Variants in POFUT1 observed in about 807,000 individuals in gnomAD.
The protein encoded by POFUT1 is GDP-fucose protein O-fucosyltransferase 1.
POFUT1 carries 16 observed loss-of-function variants against 42.4 expected under a neutral mutation model. The observed-to-expected ratio is 0.38, with a 90% confidence interval of 0.26 to 0.57. POFUT1 has a LOEUF of 0.57. POFUT1 is among the 20% of genes least tolerant of loss of function. The probability of loss-of-function intolerance (pLI) is 0.71; values close to 1 mark genes in which losing one functional copy is unlikely to be tolerated. For synonymous variants in POFUT1, 206 were observed against 205.4 expected (o/e 1.00, Z -0.03); for missense variants, 470 against 504.6 (o/e 0.93, Z 0.66).
chr20:32,221,896 A>G lies in POFUT1; in HGVS notation c.542+5175A>G, dbSNP rs527925042. ...GTGTGTCAGACTTAAGTTAGGCTAC[A>G]GGTAGCAGGAAGCCCGAAATAAGAG... On this transcript the variant is annotated intron_variant, in intron 4 of 6. Coordinates refer to ENST00000375749, the MANE Select transcript of POFUT1 (RefSeq NM_015352.2). Among the ~76,000 whole-genome samples the G allele has an allele frequency of 3.3e-5, 5 of 152,292 alleles. No homozygotes were observed. In the East Asian group the frequency reaches 9.6e-4, roughly 29 times the overall value.
intron 4 of POFUT1, among the ~76,000 whole-genome samples, chr20:32,220,456 C>T (rs1161274080): frequency 6.6e-6 from 1 of 152,108 alleles, no homozygotes; most frequent in Non-Finnish European, 1.5e-5. Flanking sequence ...AAAGGCTTGA[C>T]CAAGGCTGCG....
At chr20:32,208,203 C>T in intron 1 of POFUT1, 138 bp downstream of exon 1, 1 of 890,466 alleles carries the variant, frequency 1.1e-6, no homozygotes, top group South Asian at 1.6e-5. Flanking sequence ...CTCTTCTCCT[C>T]TCTGCCTTAG....
intron 4 of POFUT1, among the ~76,000 whole-genome samples, chr20:32,222,325 G>A (rs2047395062): frequency 6.6e-6 from 1 of 152,034 alleles, no homozygotes; most frequent in Non-Finnish European, 1.5e-5. Flanking sequence ...AAAGAATCAG[G>A]CTTCCATCTC....
At chr20:32,231,204 T>C in intron 6 of POFUT1, 143 bp downstream of exon 6, 1 of 856,466 alleles carries the variant, frequency 1.2e-6, no homozygotes, top group East Asian at 2.6e-5. Flanking sequence ...CCTACCCTCC[T>C]TCAAACCCCA....
intron 2 of POFUT1, among the ~76,000 whole-genome samples, chr20:32,213,290 C>T (rs2047340172): frequency 6.6e-6 from 1 of 151,950 alleles, no homozygotes; most frequent in Admixed American, 6.6e-5. Flanking sequence ...GGTGAAACCC[C>T]ATCTCTGCTA....
At chr20:32,231,598 T>G (rs1569162531) in intron 6 of POFUT1, among the ~76,000 whole-genome samples, 1 of 152,216 alleles carries the variant, frequency 6.6e-6, no homozygotes, top group Non-Finnish European at 1.5e-5. Flanking sequence ...GCAGAGACTC[T>G]GGAGTCAGAG....
At chr20:32,226,890 A>G (rs915792793) in intron 4 of POFUT1, among the ~76,000 whole-genome samples, 1 of 152,236 alleles carries the variant, frequency 6.6e-6, no homozygotes, top group South Asian at 2.1e-4. Context: ...TATTTTATGA[A>G]TAAAGCTGCA....
At chr20:32,217,627 G>A (rs951927641) in intron 4 of POFUT1, 3 of 985,664 alleles carry the variant, frequency 3.0e-6, no homozygotes, top group Non-Finnish European at 3.6e-6. Context: ...AACAAAACAA[G>A]CACAGGCCAA....
chr20:32,223,449 A>G, intron 4 of POFUT1: 1 of 985,368 alleles, frequency 1.0e-6, no homozygotes, highest in African/African-American at 1.7e-5. Flanking sequence ...ACACATTCCA[A>G]GTCTGGAATT....
intron 6 of POFUT1, among the ~76,000 whole-genome samples, chr20:32,233,677 G>GGA (rs1055557416): frequency 6.6e-6 from 1 of 152,156 alleles, no homozygotes; most frequent in Non-Finnish European, 1.5e-5. Context: ...TTGGGCCCAA[G>GGA]GAGTGGCCCT....
chr20:32,225,524 T>A (rs748080217), intron 4 of POFUT1, among the ~76,000 whole-genome samples: 16 of 152,090 alleles, frequency 1.1e-4, no homozygotes, highest in Non-Finnish European at 2.1e-4. Context: ...GGTCTCACCC[T>A]CCCACCCTGG....
Position 32,234,927 on chromosome 20 carries a change from T to C in POFUT1, c.*266T>C. On this transcript the variant is annotated 3_prime_UTR_variant, in exon 7 of 7. Coordinates refer to ENST00000375749, the MANE Select transcript of POFUT1 (RefSeq NM_015352.2). ...GGAATTTCTCACACTGGCAAAGCAG[T>C]CCAGCCTCCGTCTTCTGGTCCACTC... is the stretch of plus-strand genomic sequence containing the variant. The C allele has an allele frequency of 2.6e-6, 1 of 379,498 alleles. No homozygotes were observed. 23.5% of individuals were successfully genotyped at this position (379,498 alleles called of 1,614,324 possible). A position where few individuals can be genotyped will look rare whatever the true frequency, so the allele number is the denominator to read the frequency against.
intron 4 of POFUT1, among the ~76,000 whole-genome samples, chr20:32,224,066 T>C (rs1450838599): frequency 6.6e-6 from 1 of 152,084 alleles, no homozygotes; most frequent in Non-Finnish European, 1.5e-5. Context: ...TGAGGCCCAA[T>C]AAACAATGCA....
chr20:32,223,257 G>C, intron 4 of POFUT1: 1 of 985,392 alleles, frequency 1.0e-6, no homozygotes, highest in South Asian at 4.7e-5. Context: ...AGGTGGTGCT[G>C]GTCAAGATTT....
In POFUT1 at chr20:32,236,053, C is replaced by G. The variant is rs1250450075; in HGVS notation, c.*1392C>G. Reference sequence around the variant, plus strand: ...TGCTGTATAGAGCTGCCACCCAACTCTAAGCAGGAGAAACTGTACAGAAAG... The same window carrying G: ...TGCTGTATAGAGCTGCCACCCAACTGTAAGCAGGAGAAACTGTACAGAAAG... On this transcript the variant is annotated 3_prime_UTR_variant, in exon 7 of 7. Transcript: ENST00000375749. The G allele has an allele frequency of 6.6e-6, 1 of 152,282 alleles. No homozygotes were observed. Among genetic ancestry groups the G allele is most frequent in the Non-Finnish European group, 1.5e-5 (1 of 68,070 alleles). 9.4% of individuals were successfully genotyped at this position (152,282 alleles called of 1,614,324 possible).
intron 2 of POFUT1, among the ~76,000 whole-genome samples, chr20:32,212,541 C>T (rs985356390): frequency 1.3e-5 from 2 of 152,082 alleles, no homozygotes; most frequent in East Asian, 1.9e-4. Flanking sequence ...GCTAGGATTA[C>T]AGACATGAGC....
rs147575415 is a variant in POFUT1, at chr20:32,235,855, G to A, written c.*1194G>A. The A allele has an allele frequency of 6.6e-6, 1 of 152,270 alleles. No homozygotes were observed. Among genetic ancestry groups the A allele is most frequent in the Non-Finnish European group, 1.5e-5 (1 of 68,036 alleles). 9.4% of individuals were successfully genotyped at this position (152,270 alleles called of 1,614,324 possible). On this transcript the variant is annotated 3_prime_UTR_variant, in exon 7 of 7. Coordinates refer to ENST00000375749, the MANE Select transcript of POFUT1 (RefSeq NM_015352.2). ...TTTCCTTGCCATGTCACCTCCCTTG[G>A]CCTTTGATCCTGGAAAGGTGGCAGA... is the stretch of plus-strand genomic sequence containing the variant.
Position 32,217,580 on chromosome 20 carries a change from C to G in POFUT1, c.542+859C>G, listed in dbSNP as rs1365974601. On this transcript the variant is annotated intron_variant, in intron 4 of 6. Coordinates refer to ENST00000375749, the MANE Select transcript of POFUT1 (RefSeq NM_015352.2). Reference sequence around the variant, plus strand: ...TGAGCCATGATGGTACCCCTGCACTCCAGCCCAGGTTACAGAGCAAGGGCC... The same window carrying G: ...TGAGCCATGATGGTACCCCTGCACTGCAGCCCAGGTTACAGAGCAAGGGCC... 6.1e-6 allele frequency: 6 copies of G among 984,594 alleles called. No individual in the cohort carries two copies. The African/African-American group carries it at 1.0e-4, about 17-fold the overall frequency. 61.0% of individuals were successfully genotyped at this position (984,594 alleles called of 1,614,324 possible).
intron 5 of POFUT1, among the ~76,000 whole-genome samples, chr20:32,229,161 G>T (rs971195892): frequency 2.0e-5 from 3 of 152,212 alleles, no homozygotes; most frequent in Admixed American, 6.5e-5. Flanking sequence ...TCAAGGAATA[G>T]TAATTCCCAT....
Sources: allele counts gnomAD v4.1 joint callset (sites outside exome capture counted in the v4.1 genomes callset), GRCh38; gene constraint gnomAD v4.1.1; transcripts MANE v1.5; gene names NCBI Gene and HGNC (gene_info 2026-07-23, HGNC 2026-07-21).